The following NBAS variants were observed in gnomAD, a reference collection of about 807,000 sequenced individuals.
NBAS encodes the protein NAG/BC035112 fusion.
Under a neutral mutation model 302.5 loss-of-function variants are expected in NBAS, and 219 were observed. That is an observed-to-expected ratio of 0.72 (90% CI 0.65 to 0.81). The LOEUF is 0.81. NBAS is among the 30% of genes least tolerant of loss of function. The probability of loss-of-function intolerance (pLI) is 0.00; values close to 1 mark genes in which losing one functional copy is unlikely to be tolerated. For synonymous variants in NBAS, 1,118 were observed against 1,021.6 expected, an observed-to-expected ratio of 1.09 and a Z score of -1.80; for missense variants, 2,932 against 2,841.6, an observed-to-expected ratio of 1.03 and a Z score of -0.72.
At chr2:15,365,244 C>T (rs1350651573) in intron 32 of NBAS, among the ~76,000 whole-genome samples, 1 of 152,216 alleles carries the variant, frequency 6.6e-6, no homozygotes, top group Non-Finnish European at 1.5e-5. Flanking sequence ...ATTCCTGTTA[C>T]TATGTTAACA....
chr2:14,912,714 A>ATTT, the NBAS span, among the ~76,000 whole-genome samples: 3 of 51,826 alleles, frequency 5.8e-5, no homozygotes, highest in African/African-American at 3.5e-4. Context: ...AAAAAAAAAA[A>ATTT]AAAAAAAAAA....
chr2:15,223,844 AG>A (rs1207458463), intron 47 of NBAS, among the ~76,000 whole-genome samples: 3 of 151,870 alleles, frequency 2.0e-5, no homozygotes, highest in East Asian at 1.9e-4. Flanking sequence ...AAAAAAAAAA[AG>A]GTCATAAAAT....
chr2:15,068,626 G>A, the NBAS span, among the ~76,000 whole-genome samples: 340 of 152,248 alleles, frequency 2.2e-3, 1 homozygote, highest in Admixed American at 5.2e-3. Flanking sequence ...TTATATCCAT[G>A]TAGCAGCAGT....
rs374303460 is a variant in NBAS, at chr2:15,415,662, G to A, written c.2821C>T (p.Arg941Cys). ...AYQWMVPFLH[R>C]CEKQSPGVAN... ...ACACCAGGCGACTGTTTCTCACAAC[G>A]ATGAAGAAAGGGAACCATCCACTGG... Residue 941 changes from arginine to cysteine, a missense_variant, in exon 25 of 52, where the codon CGT (arginine) becomes TGT (cysteine). Physicochemically the swap from Arg to Cys is radical, Grantham distance 180 (BLOSUM62 -3). Transcript: ENST00000281513. 8 of 1,613,992 alleles carry A rather than the reference G, an allele frequency of 5.0e-6. No homozygotes were observed. Among genetic ancestry groups the A allele is most frequent in the South Asian group, 1.1e-5 (1 of 91,084 alleles).
intron 35 of NBAS, among the ~76,000 whole-genome samples, chr2:15,346,686 T>C (rs978087827): frequency 6.6e-6 from 1 of 152,160 alleles, no homozygotes; most frequent in African/African-American, 2.4e-5. Flanking sequence ...CATTCTTCTA[T>C]AAGGACACAT....
chr2:15,415,822 A>G, intron 24 of NBAS, 103 bp from the exon 25 acceptor site: 1 of 1,236,444 alleles, frequency 8.1e-7, no homozygotes, highest in Non-Finnish European at 1.2e-6. Context: ...CCTCAGACTG[A>G]TGTTAAACAG....
chr2:15,070,206 C>CT, the NBAS span, among the ~76,000 whole-genome samples: 1 of 152,196 alleles, frequency 6.6e-6, no homozygotes, highest in Admixed American at 6.5e-5. Flanking sequence ...GTAAGGCTCT[C>CT]TGGCCCCTTA....
intron 47 of NBAS, among the ~76,000 whole-genome samples, chr2:15,226,928 T>G (rs1667173606): frequency 1.3e-5 from 2 of 152,192 alleles, no homozygotes; most frequent in African/African-American, 2.4e-5. Context: ...TTGCTCTGAA[T>G]AGAACTTCTA....
intron 31 of NBAS, among the ~76,000 whole-genome samples, chr2:15,373,041 T>C (rs1422925619): frequency 2.0e-5 from 3 of 152,184 alleles, no homozygotes; most frequent in Non-Finnish European, 4.4e-5. Flanking sequence ...GGTTTCATAG[T>C]GCTCTGGATT....
At chr2:15,179,389 G>T in intron 50 of NBAS, 2 of 379,162 alleles carry the variant, frequency 5.3e-6, no homozygotes, top group African/African-American at 2.0e-5. Context: ...AGATATAGTG[G>T]TATAATTTAT....
intron 23 of NBAS, among the ~76,000 whole-genome samples, chr2:15,421,130 G>T (rs76926641): frequency 0.016 from 2,473 of 151,986 alleles, 76 homozygotes; most frequent in African/African-American, 0.057. Context: ...TTTATAGCAA[G>T]TTTTTAAAAA....
At chr2:14,922,945 G>T in the NBAS span, among the ~76,000 whole-genome samples, 3 of 152,142 alleles carry the variant, frequency 2.0e-5, no homozygotes, top group Non-Finnish European at 4.4e-5. Flanking sequence ...GAGGTCAGGA[G>T]ATCGAGACCA....
At chr2:15,275,393 A>G in intron 44 of NBAS, 91 bp downstream of exon 44, 1 of 1,363,096 alleles carries the variant, frequency 7.3e-7, no homozygotes, top group African/African-American at 1.5e-5. Flanking sequence ...TATTTTCAAG[A>G]AAGGAAACAA....
At chr2:15,191,935 A>G (rs1248727938) in intron 48 of NBAS, among the ~76,000 whole-genome samples, 14 of 152,136 alleles carry the variant, frequency 9.2e-5, no homozygotes, top group Admixed American at 9.2e-4. Flanking sequence ...CTCCCATCTC[A>G]GGCATTCTGA....
intron 47 of NBAS, among the ~76,000 whole-genome samples, chr2:15,226,896 T>C (rs1484058633): frequency 1.3e-5 from 2 of 152,168 alleles, no homozygotes; most frequent in Admixed American, 1.3e-4. Context: ...TTAGATGCCT[T>C]TTACTTCCTT....
chr2:15,537,825 A>G (rs993498194), intron 7 of NBAS, among the ~76,000 whole-genome samples: 1 of 152,210 alleles, frequency 6.6e-6, no homozygotes, highest in Non-Finnish European at 1.5e-5. Flanking sequence ...AAACTGTACA[A>G]CTTTTCTCCT....
At chr2:15,082,056 A>G in the NBAS span, among the ~76,000 whole-genome samples, 2 of 152,176 alleles carry the variant, frequency 1.3e-5, no homozygotes, top group Non-Finnish European at 2.9e-5. Context: ...GACAACTTAA[A>G]ACAGACTCTG....
chr2:14,897,223 G>C, the NBAS span, among the ~76,000 whole-genome samples: 1 of 152,078 alleles, frequency 6.6e-6, no homozygotes, highest in Admixed American at 6.5e-5. Context: ...GTCTTTTCCT[G>C]CCTTTCTTAT....
intron 23 of NBAS, among the ~76,000 whole-genome samples, chr2:15,420,180 A>G (rs772680930): frequency 1.2e-4 from 19 of 152,240 alleles, no homozygotes; most frequent in African/African-American, 4.6e-4. Flanking sequence ...GGAGAAGAGT[A>G]CAATGAATGG....
Sources: allele counts gnomAD v4.1 joint callset (sites outside exome capture counted in the v4.1 genomes callset), GRCh38; gene constraint gnomAD v4.1.1; transcripts MANE v1.5; gene names NCBI Gene and HGNC (gene_info 2026-07-23, HGNC 2026-07-21).